Variants in KLRG2 observed in about 807,000 individuals in gnomAD.
The protein encoded by KLRG2 is killer cell lectin-like receptor subfamily G member 2.
In KLRG2, 39 loss-of-function variants were observed where a neutral mutation model predicts 35.4. The observed-to-expected ratio is 1.10, with a 90% confidence interval of 0.85 to 1.44. The LOEUF is 1.44. Ranked by LOEUF, KLRG2 falls within the 40% of genes most tolerant of loss-of-function variation. The probability of loss-of-function intolerance (pLI) is 0.00; values close to 1 mark genes in which losing one functional copy is unlikely to be tolerated. For synonymous variants in KLRG2, 283 were observed against 265.8 expected, an observed-to-expected ratio of 1.06 and a Z score of -0.63; for missense variants, 632 against 570.9, an observed-to-expected ratio of 1.11 and a Z score of -1.09.
chr7:139,442,496 G>A, the KLRG2 span, among the ~76,000 whole-genome samples: 7 of 152,100 alleles, frequency 4.6e-5, no homozygotes, highest in African/African-American at 1.7e-4. Flanking sequence ...AGGATGGCTC[G>A]AGTCCAGGAG....
At chr7:139,447,412 T>TC in the KLRG2 span, among the ~76,000 whole-genome samples, 1 of 151,488 alleles carries the variant, frequency 6.6e-6, no homozygotes, top group Non-Finnish European at 1.5e-5. Context: ...CTTTTTTTTT[T>TC]TTTTTTGAGA....
chr7:139,432,560 A>AT, the KLRG2 span, among the ~76,000 whole-genome samples: 15 of 102,264 alleles, frequency 1.5e-4, no homozygotes, highest in African/African-American at 4.0e-5. Context: ...CCCCCCCAAT[A>AT]TTTTTTTTTG....
chr7:139,433,342 T>G, the KLRG2 span, among the ~76,000 whole-genome samples: 35 of 152,168 alleles, frequency 2.3e-4, no homozygotes, highest in East Asian at 2.7e-3. Flanking sequence ...TTGTTTGTTT[T>G]TTTGGAGATG....
intron 3 of KLRG2, among the ~76,000 whole-genome samples, chr7:139,479,365 G>A (rs1367713914): frequency 6.6e-6 from 1 of 152,208 alleles, no homozygotes; most frequent in Non-Finnish European, 1.5e-5. Context: ...ACAGGTGTGA[G>A]CCACTGTGCC....
chr7:139,464,228 C>T (rs1796614419), intron 3 of KLRG2, among the ~76,000 whole-genome samples: 1 of 152,132 alleles, frequency 6.6e-6, no homozygotes. Flanking sequence ...ATCATGCACC[C>T]CTTACCATCC....
At chr7:139,429,383 T>TC in the KLRG2 span, among the ~76,000 whole-genome samples, 4 of 145,532 alleles carry the variant, frequency 2.7e-5, no homozygotes, top group East Asian at 2.0e-4. Context: ...TCTTTTTCTT[T>TC]TTCTTTTTTT....
chr7:139,479,351 G>A (rs1796912496), intron 3 of KLRG2, among the ~76,000 whole-genome samples: 1 of 152,152 alleles, frequency 6.6e-6, no homozygotes, highest in Non-Finnish European at 1.5e-5. Flanking sequence ...AGAGTGCTGG[G>A]ATTACAGGTG....
intron 3 of KLRG2, among the ~76,000 whole-genome samples, chr7:139,467,352 T>C (rs1031139335): frequency 6.6e-6 from 1 of 152,116 alleles, no homozygotes; most frequent in Admixed American, 6.5e-5. Context: ...TATATATACA[T>C]CCAGGTGGCC....
In KLRG2 at chr7:139,453,631, A is replaced by G. The variant is rs1430959698; in HGVS notation, c.1186T>C (p.Cys396Arg). 6.2e-7 allele frequency: 1 copy of G among 1,613,266 alleles called. No individual in the cohort carries two copies. The highest frequency in any genetic ancestry group is 2.2e-5 in the East Asian group (1 of 44,872). ...CAGACCCAGGGTCTTGGAGTGCTGCAGTTTGCAGCCACCAGCGTGCCTTCC... is the reference window on the plus strand; with the variant it reads ...CAGACCCAGGGTCTTGGAGTGCTGCGGTTTGCAGCCACCAGCGTGCCTTCC... ...LEEGTLVAAN[C>R]STPRPWVCAK... Residue 396 changes from cysteine (C) to arginine (R), a missense_variant, in exon 5 of 5, where the codon TGC becomes CGC. By Grantham distance (180) the Cys-to-Arg change is radical (BLOSUM62 -3). Coordinates refer to ENST00000340940, the MANE Select transcript of KLRG2 (RefSeq NM_198508.4).
intron 3 of KLRG2, among the ~76,000 whole-genome samples, chr7:139,466,261 C>T (rs1250457845): frequency 6.6e-6 from 1 of 152,194 alleles, no homozygotes; most frequent in African/African-American, 2.4e-5. Context: ...TAAACACTTT[C>T]ACTGGGTGGG....
chr7:139,434,148 TAAG>T, the KLRG2 span, among the ~76,000 whole-genome samples: 1 of 152,214 alleles, frequency 6.6e-6, no homozygotes. Flanking sequence ...GCAGTTGGAA[TAAG>T]AAGCAAGCCG....
chr7:139,444,505 A>G, the KLRG2 span, among the ~76,000 whole-genome samples: 1 of 152,168 alleles, frequency 6.6e-6, no homozygotes, highest in Non-Finnish European at 1.5e-5. Context: ...AGATGAGGTC[A>G]TGATGGAATT....
In KLRG2 at chr7:139,452,700, C is replaced by T. The variant is rs1162556661; in HGVS notation, c.*887G>A. 6.6e-6 allele frequency: 1 copy of T among 152,290 alleles called. No homozygotes were observed. Among genetic ancestry groups the T allele is most frequent in the Non-Finnish European group, 1.5e-5 (1 of 68,084 alleles). 9.4% of individuals were successfully genotyped at this position (152,290 alleles called of 1,614,324 possible). ...GTCTAGCTGGACTCAAGGAACTACACAACTCTGTCAGCCACATCCTCCAGC... is the reference window on the plus strand; with the variant it reads ...GTCTAGCTGGACTCAAGGAACTACATAACTCTGTCAGCCACATCCTCCAGC... On this transcript the variant is annotated 3_prime_UTR_variant, in exon 5 of 5. Coordinates refer to ENST00000340940, the MANE Select transcript of KLRG2 (RefSeq NM_198508.4).
At chr7:139,477,172 C>A (rs1269258406) in intron 3 of KLRG2, among the ~76,000 whole-genome samples, 2 of 152,082 alleles carry the variant, frequency 1.3e-5, no homozygotes, top group African/African-American at 2.4e-5. Context: ...GGCAATTCCT[C>A]AAAAAATTAA....
At chr7:139,454,942 T>C (rs1314669095) in intron 3 of KLRG2, among the ~76,000 whole-genome samples, 1 of 151,764 alleles carries the variant, frequency 6.6e-6, no homozygotes. Context: ...TTTTTTCTTT[T>C]AAATATTTGC....
Position 139,483,014 on chromosome 7 carries a change from G to A in KLRG2, c.629C>T (p.Ala210Val), listed in dbSNP as rs1450478524. 11 of 1,372,228 alleles carry A rather than the reference G, an allele frequency of 8.0e-6. No homozygotes were observed. The highest frequency in any genetic ancestry group is 1.5e-5 in the African/African-American group (1 of 65,370). 85.0% of individuals were successfully genotyped at this position (1,372,228 alleles called of 1,614,324 possible). Residue 210 changes from alanine (A) to valine (V), a missense_variant, in exon 1 of 5, where the codon GCC becomes GTC. Coordinates refer to ENST00000340940, the MANE Select transcript of KLRG2 (RefSeq NM_198508.4). Reference sequence around the variant, plus strand: ...GCACGTGGGGGAGCCCGGGGAGCCGGCGCTTCCTTCCGCGGGGCTGGCCCG... The same window carrying A: ...GCACGTGGGGGAGCCCGGGGAGCCGACGCTTCCTTCCGCGGGGCTGGCCCG... Reference protein sequence around the residue: ...EGRASPAEGSAGSPGSPTCCR... With the variant: ...EGRASPAEGSVGSPGSPTCCR...
the KLRG2 span, among the ~76,000 whole-genome samples, chr7:139,440,548 T>C: frequency 6.6e-6 from 1 of 150,822 alleles, no homozygotes; most frequent in Non-Finnish European, 1.5e-5. Flanking sequence ...TGAGCTACCA[T>C]AGCCGACTTA....
chr7:139,453,806 G>A (rs1486342632), intron 4 of KLRG2, 99 bp from the exon 5 acceptor site: 4 of 1,404,604 alleles, frequency 2.8e-6, no homozygotes, highest in Non-Finnish European at 3.9e-6. Flanking sequence ...CACCTCTACC[G>A]GCCTGGGCAC....
intron 3 of KLRG2, among the ~76,000 whole-genome samples, chr7:139,458,749 C>T (rs902953643): frequency 3.9e-5 from 6 of 152,218 alleles, no homozygotes; most frequent in African/African-American, 1.4e-4. Context: ...CTCCCTCCTC[C>T]ACTCTGCAAA....
Sources: allele counts gnomAD v4.1 joint callset (sites outside exome capture counted in the v4.1 genomes callset), GRCh38; gene constraint gnomAD v4.1.1; transcripts MANE v1.5; gene names NCBI Gene and HGNC (gene_info 2026-07-23, HGNC 2026-07-21).